The following SLC1A2 variants were observed in gnomAD, a reference collection of about 807,000 sequenced individuals.
SLC1A2 encodes the protein excitatory amino acid transporter 2.
In SLC1A2, 15 loss-of-function variants were observed where a neutral mutation model predicts 48.8. The ratio of observed to expected loss-of-function variants is 0.31; its 90% CI spans 0.21 to 0.47. The LOEUF is 0.47. Among genes scored for constraint, SLC1A2 ranks in the 20% least tolerant of loss-of-function variants. SLC1A2 has a pLI of 0.99. For synonymous variants in SLC1A2, 279 were observed against 272.6 expected, an observed-to-expected ratio of 1.02 and a Z score of -0.23; for missense variants, 502 against 730.5, an observed-to-expected ratio of 0.69 and a Z score of 3.61.
chr11:35,343,778 C>A (rs1013731534), intron 1 of SLC1A2, among the ~76,000 whole-genome samples: 2 of 151,820 alleles, frequency 1.3e-5, no homozygotes, highest in African/African-American at 4.8e-5. Context: ...ATCTGTGCAC[C>A]AGGATGTGCA....
chr11:35,300,815 A>C (rs1851329990), intron 6 of SLC1A2, among the ~76,000 whole-genome samples: 1 of 152,160 alleles, frequency 6.6e-6, no homozygotes. Context: ...CAGAAGTTTG[A>C]GATCAGCCTG....
At chr11:35,407,397 C>T (rs1027431061) in intron 1 of SLC1A2, among the ~76,000 whole-genome samples, 1 of 152,204 alleles carries the variant, frequency 6.6e-6, no homozygotes, top group African/African-American at 2.4e-5. Context: ...ACGGATAATT[C>T]AAGACCTCCT....
chr11:35,398,369 A>G (rs1855036585), intron 1 of SLC1A2, among the ~76,000 whole-genome samples: 1 of 152,194 alleles, frequency 6.6e-6, no homozygotes, highest in Non-Finnish European at 1.5e-5. Context: ...AGCAACATGG[A>G]TACATCTGGA....
chr11:35,360,604 G>A (rs965484108), intron 1 of SLC1A2, among the ~76,000 whole-genome samples: 37 of 152,234 alleles, frequency 2.4e-4, no homozygotes, highest in African/African-American at 7.9e-4. Context: ...TCATTTTAAG[G>A]CCCAGAGATG....
intron 9 of SLC1A2, among the ~76,000 whole-genome samples, chr11:35,279,724 C>A (rs1160143518): frequency 6.6e-6 from 1 of 152,228 alleles, no homozygotes; most frequent in Admixed American, 6.5e-5. Flanking sequence ...TTCTAAGTCT[C>A]TTTACCTCTA....
chr11:35,389,774 T>G (rs562742816), intron 1 of SLC1A2, among the ~76,000 whole-genome samples: 1 of 152,044 alleles, frequency 6.6e-6, no homozygotes, highest in African/African-American at 2.4e-5. Flanking sequence ...CCAGCCTCTT[T>G]TTTGTTCTTA....
chr11:35,310,385 G>A (rs1305602283), intron 4 of SLC1A2, among the ~76,000 whole-genome samples: 8 of 152,164 alleles, frequency 5.3e-5, no homozygotes, highest in Non-Finnish European at 7.4e-5. Flanking sequence ...GGGCAAACAC[G>A]CTATACAGAT....
chr11:35,318,759 C>T (rs1287431594), intron 1 of SLC1A2, among the ~76,000 whole-genome samples: 1 of 152,150 alleles, frequency 6.6e-6, no homozygotes, highest in Non-Finnish European at 1.5e-5. Context: ...TAGTACCTTT[C>T]TCCAGTGCAC....
At chr11:35,336,370 C>G (rs1444347156) in intron 1 of SLC1A2, among the ~76,000 whole-genome samples, 1 of 152,152 alleles carries the variant, frequency 6.6e-6, no homozygotes, top group Non-Finnish European at 1.5e-5. Flanking sequence ...TCTTGATGAT[C>G]TCTATCTAGA....
chr11:35,305,724 T>G (rs939725645), intron 5 of SLC1A2, among the ~76,000 whole-genome samples: 3 of 152,182 alleles, frequency 2.0e-5, no homozygotes, highest in African/African-American at 7.2e-5. Flanking sequence ...TTTTAAAAAA[T>G]GCTTAAGAAA....
At chr11:35,399,640 C>G (rs577120825) in intron 1 of SLC1A2, 7 of 978,464 alleles carry the variant, frequency 7.2e-6, no homozygotes, top group African/African-American at 1.8e-5. Flanking sequence ...ATTCAATCAT[C>G]TATTCCTACT....
At chr11:35,268,726 A>T (rs1414475516) in intron 9 of SLC1A2, among the ~76,000 whole-genome samples, 1 of 152,160 alleles carries the variant, frequency 6.6e-6, no homozygotes, top group African/African-American at 2.4e-5. Context: ...CTACCTTATT[A>T]ACCCTCACTG....
Position 35,308,263 on chromosome 11 carries a change from G to A in SLC1A2, c.562-2021C>T, listed in dbSNP as rs183105342. 5.8e-4 allele frequency among the ~76,000 whole-genome samples: 89 copies of A among 152,276 alleles called. 1 individual carries two copies. The highest frequency in any genetic ancestry group is 3.4e-3 in the Middle Eastern group (1 of 294). ...CTAGTTAGTTGCTGAAGCAGGATTC[G>A]AGATGAGTTATGTTTGACTCCAGAA... On this transcript the variant is annotated intron_variant, in intron 4 of 10. Coordinates refer to ENST00000278379, the MANE Select transcript of SLC1A2 (RefSeq NM_004171.4).
At chr11:35,373,795 C>T (rs1438949347) in intron 1 of SLC1A2, among the ~76,000 whole-genome samples, 1 of 152,236 alleles carries the variant, frequency 6.6e-6, no homozygotes, top group Non-Finnish European at 1.5e-5. Context: ...GAGTCATATA[C>T]ACCAGGAGGC....
At chr11:35,381,742 C>G (rs898327899) in intron 1 of SLC1A2, among the ~76,000 whole-genome samples, 1 of 152,158 alleles carries the variant, frequency 6.6e-6, no homozygotes, top group Non-Finnish European at 1.5e-5. Flanking sequence ...GCGGGAAATT[C>G]CAACCTGATC....
At chr11:35,264,513 G>A (rs1950448122) in intron 10 of SLC1A2, among the ~76,000 whole-genome samples, 1 of 152,152 alleles carries the variant, frequency 6.6e-6, no homozygotes, top group South Asian at 2.1e-4. Flanking sequence ...CTCTGGTCAT[G>A]ACACTCTGAC....
intron 9 of SLC1A2, among the ~76,000 whole-genome samples, chr11:35,276,946 T>C (rs1850459373): frequency 6.6e-6 from 1 of 151,990 alleles, no homozygotes; most frequent in African/African-American, 2.4e-5. Flanking sequence ...ATTCTGGAGG[T>C]TGGGAAATCC....
intron 1 of SLC1A2, among the ~76,000 whole-genome samples, chr11:35,325,964 CAAAAAAAAAAAA>C (rs35256511): frequency 2.1e-5 from 2 of 96,292 alleles, no homozygotes; most frequent in African/African-American, 8.0e-5. Flanking sequence ...AATTCTATCT[CAAAAAAAAAAAA>C]AAAAAAAAAG....
At chr11:35,313,521 G>A (rs3915513) in intron 3 of SLC1A2, among the ~76,000 whole-genome samples, 15,124 of 152,240 alleles carry the variant, frequency 0.099, 912 homozygotes, top group East Asian at 0.19. Flanking sequence ...CAGAAAGAGA[G>A]ATTGAACCCC....
Sources: allele counts gnomAD v4.1 joint callset (sites outside exome capture counted in the v4.1 genomes callset), GRCh38; gene constraint gnomAD v4.1.1; transcripts MANE v1.5; gene names NCBI Gene and HGNC (gene_info 2026-07-23, HGNC 2026-07-21).